The following SLIT3 variants were observed in gnomAD, a reference collection of about 807,000 sequenced individuals.
SLIT3 encodes slit guidance ligand 3.
Under a neutral mutation model 184.0 loss-of-function variants are expected in SLIT3, and 68 were observed. The ratio of observed to expected loss-of-function variants is 0.37; its 90% CI spans 0.30 to 0.45. The LOEUF (loss-of-function observed/expected upper bound fraction) is 0.45, where lower values mean the gene tolerates loss of function less well. Ranked by LOEUF, SLIT3 falls within the 20% of genes least tolerant of loss-of-function variation. The probability of loss-of-function intolerance (pLI) is 1.00; values close to 1 mark genes in which losing one functional copy is unlikely to be tolerated. For missense variants in SLIT3, 1,707 were observed against 2,026.0 expected (o/e 0.84, Z 3.02); for synonymous variants, 831 against 828.6 (o/e 1.00, Z -0.05).
At chr5:168,891,955 T>A (rs1249428259) in intron 4 of SLIT3, among the ~76,000 whole-genome samples, 1 of 152,176 alleles carries the variant, frequency 6.6e-6, no homozygotes, top group Non-Finnish European at 1.5e-5. Flanking sequence ...ACCAAATAAC[T>A]CTCTGTGCCA....
intron 6 of SLIT3, among the ~76,000 whole-genome samples, chr5:168,840,747 G>A (rs188195133): frequency 3.2e-4 from 48 of 152,270 alleles, no homozygotes; most frequent in Admixed American, 2.3e-3. Context: ...ACAGAGCCTC[G>A]GTCCCTCAAT....
chr5:168,947,474 A>C (rs547508753), intron 4 of SLIT3, among the ~76,000 whole-genome samples: 1 of 152,138 alleles, frequency 6.6e-6, no homozygotes, highest in South Asian at 2.1e-4. Context: ...GAGATGTTGC[A>C]TGGGACTGTG....
intron 4 of SLIT3, among the ~76,000 whole-genome samples, chr5:169,174,389 T>C (rs1243927734): frequency 6.6e-6 from 1 of 152,122 alleles, no homozygotes; most frequent in Non-Finnish European, 1.5e-5. Context: ...GGGGTGACAT[T>C]AGAAAGGTAG....
At chr5:169,244,919 A>G in intron 2 of SLIT3, 143 bp from the exon 3 acceptor site, 2 of 714,808 alleles carry the variant, frequency 2.8e-6, no homozygotes, top group East Asian at 5.3e-5. Flanking sequence ...CTGATGGGAC[A>G]AGATAACTCA....
intron 3 of SLIT3, among the ~76,000 whole-genome samples, chr5:169,197,441 C>T (rs1763774786): frequency 6.6e-6 from 1 of 152,168 alleles, no homozygotes; most frequent in Non-Finnish European, 1.5e-5. Flanking sequence ...GTACACTTCC[C>T]ATGTGGCTTC....
chr5:168,887,392 C>T (rs571375633), intron 4 of SLIT3, among the ~76,000 whole-genome samples: 2 of 152,298 alleles, frequency 1.3e-5, no homozygotes, highest in South Asian at 2.1e-4. Context: ...TTCCTCAAAA[C>T]TTGGAGATTT....
intron 12 of SLIT3, among the ~76,000 whole-genome samples, chr5:168,779,447 G>A (rs1755890561): frequency 6.6e-6 from 1 of 152,214 alleles, no homozygotes; most frequent in African/African-American, 2.4e-5. Flanking sequence ...GAGTGGGAGG[G>A]CATGTACAGC....
At chr5:168,922,416 C>A (rs1426158720) in intron 4 of SLIT3, among the ~76,000 whole-genome samples, 2 of 144,318 alleles carry the variant, frequency 1.4e-5, no homozygotes. Context: ...GAGATTGTGC[C>A]ACTGCACTCC....
chr5:168,830,019 C>T (rs1287980806), intron 6 of SLIT3, among the ~76,000 whole-genome samples: 3 of 152,184 alleles, frequency 2.0e-5, no homozygotes, highest in African/African-American at 7.2e-5. Context: ...TCTTGCTGGG[C>T]AGCTGCTGAT....
intron 10 of SLIT3, 186 bp from the exon 11 acceptor site, chr5:168,789,817 A>C: frequency 1.8e-6 from 1 of 569,650 alleles, no homozygotes; most frequent in South Asian, 2.5e-5. Flanking sequence ...CCTCATGATA[A>C]AGTGCACCAC....
In SLIT3 at chr5:169,079,779, G is replaced by A. The variant is rs549092885; in HGVS notation, c.413+113700C>T. On this transcript the variant is annotated intron_variant, in intron 4 of 35. Coordinates refer to ENST00000519560, the MANE Select transcript of SLIT3 (RefSeq NM_003062.4). Reference sequence around the variant, plus strand: ...GAGGAAGAGGGAAGAAGAGGGAAGGGGAAGAGGAGGAGGAGGGAGGAAGAG... The same window carrying A: ...GAGGAAGAGGGAAGAAGAGGGAAGGAGAAGAGGAGGAGGAGGGAGGAAGAG... Among the ~76,000 whole-genome samples, 148 of 116,156 alleles carry A rather than the reference G, an allele frequency of 1.3e-3. 1 individual carries two copies. Among genetic ancestry groups the A allele is most frequent in the Non-Finnish European group, 1.9e-3 (107 of 56,040 alleles). The allele number at this position is 116,156 out of a possible 152,430, so 76.2% of individuals were successfully genotyped here. A position where few individuals can be genotyped will look rare whatever the true frequency, so the allele number is the denominator to read the frequency against.
intron 9 of SLIT3, among the ~76,000 whole-genome samples, chr5:168,802,504 G>A (rs1372719341): frequency 6.6e-6 from 1 of 152,170 alleles, no homozygotes; most frequent in Non-Finnish European, 1.5e-5. Flanking sequence ...CAATCCATCT[G>A]GTAGACCGTG....
At chr5:168,757,357 G>T (rs1315185615) in intron 16 of SLIT3, among the ~76,000 whole-genome samples, 2 of 152,150 alleles carry the variant, frequency 1.3e-5, no homozygotes, top group African/African-American at 4.8e-5. Context: ...GGCCTTGCAC[G>T]CAGCCAAGTT....
At chr5:169,087,250 GA>G (rs1759343854) in intron 4 of SLIT3, among the ~76,000 whole-genome samples, 1 of 152,232 alleles carries the variant, frequency 6.6e-6, no homozygotes, top group East Asian at 1.9e-4. Flanking sequence ...GGAGAAAACA[GA>G]GTCCAGAAGG....
At chr5:168,866,008 A>G (rs1324258285) in intron 5 of SLIT3, among the ~76,000 whole-genome samples, 1 of 152,172 alleles carries the variant, frequency 6.6e-6, no homozygotes, top group Non-Finnish European at 1.5e-5. Context: ...CTACCCAACT[A>G]TGGTAGAGTA....
chr5:169,080,084 T>G (rs1211187419), intron 4 of SLIT3, among the ~76,000 whole-genome samples: 2 of 151,908 alleles, frequency 1.3e-5, no homozygotes, highest in African/African-American at 4.8e-5. Context: ...TAAGGACAAG[T>G]GGACATGTAT....
chr5:169,105,450 T>C (rs1487512358), intron 4 of SLIT3, among the ~76,000 whole-genome samples: 1 of 152,186 alleles, frequency 6.6e-6, no homozygotes, highest in Non-Finnish European at 1.5e-5. Flanking sequence ...GGCAAAGAAA[T>C]GCAGACACGC....
intron 3 of SLIT3, among the ~76,000 whole-genome samples, chr5:169,213,628 A>C (rs1764343572): frequency 6.6e-6 from 1 of 152,140 alleles, no homozygotes; most frequent in Admixed American, 6.6e-5. Flanking sequence ...TCCATTCCTG[A>C]GCTCTCTGAC....
chr5:169,242,825 G>C (rs1765448258), intron 3 of SLIT3, among the ~76,000 whole-genome samples: 1 of 152,044 alleles, frequency 6.6e-6, no homozygotes, highest in Non-Finnish European at 1.5e-5. Flanking sequence ...GACATGCATG[G>C]GTATTTCAGC....
Sources: gnomAD v4.1 joint callset for allele counts (sites outside exome capture counted in the v4.1 genomes callset) on GRCh38, gnomAD v4.1.1 for gene constraint, MANE v1.5 for transcripts, NCBI Gene and HGNC (gene_info 2026-07-23, HGNC 2026-07-21) for gene names.